DPP10: variants seen among roughly 807,000 people sequenced by gnomAD.
The protein encoded by DPP10 is dipeptidyl peptidase like 10, also known as inactive dipeptidyl peptidase 10.
A neutral mutation model predicts 120.9 loss-of-function variants in DPP10; 33 were observed. The ratio of observed to expected loss-of-function variants is 0.27; its 90% CI spans 0.21 to 0.37. DPP10 has a LOEUF of 0.37. DPP10 is among the 10% of genes least tolerant of loss of function. The probability of loss-of-function intolerance (pLI) is 1.00; values close to 1 mark genes in which losing one functional copy is unlikely to be tolerated. For missense variants in DPP10, 816 were observed against 942.8 expected (o/e 0.87, Z 1.76); for synonymous variants, 337 against 326.1 (o/e 1.03, Z -0.36).
At chr2:115,427,703 A>G (rs2070609747) in intron 3 of DPP10, among the ~76,000 whole-genome samples, 2 of 152,058 alleles carry the variant, frequency 1.3e-5, no homozygotes, top group East Asian at 1.9e-4. Context: ...CCTTTTTCTC[A>G]TTGTCTTGGC....
chr2:114,967,204 C>T (rs1017640614), intron 1 of DPP10, among the ~76,000 whole-genome samples: 1 of 152,130 alleles, frequency 6.6e-6, no homozygotes, highest in Non-Finnish European at 1.5e-5. Flanking sequence ...TAAAAAAAAT[C>T]TTCCATTAGG....
rs567116917 is a variant in DPP10, at chr2:115,416,005, C to G, written c.271+72093C>G. On this transcript the variant is annotated intron_variant, in intron 3 of 25. Transcript: ENST00000410059. ...TCTTTTGTAGAACTCCAAAAATAAT[C>G]AGTACACAAATTTGAAAGCAAAACA... 2.0e-5 allele frequency among the ~76,000 whole-genome samples: 3 copies of G among 151,610 alleles called. No individual in the cohort carries two copies. The East Asian group carries it at 5.8e-4, about 29-fold the overall frequency.
chr2:115,414,848 C>T (rs1344663431), intron 3 of DPP10, among the ~76,000 whole-genome samples: 1 of 152,146 alleles, frequency 6.6e-6, no homozygotes, highest in Non-Finnish European at 1.5e-5. Context: ...ATTTGCAAGT[C>T]AAGTCTCAAG....
At chr2:114,782,698 A>G (rs557004250) in intron 1 of DPP10, among the ~76,000 whole-genome samples, 2 of 152,280 alleles carry the variant, frequency 1.3e-5, no homozygotes, top group South Asian at 4.2e-4. Flanking sequence ...AAAAGTAAGT[A>G]AGTGGATAGT....
intron 1 of DPP10, among the ~76,000 whole-genome samples, chr2:115,264,164 G>A (rs1267851190): frequency 6.6e-6 from 1 of 152,054 alleles, no homozygotes; most frequent in Non-Finnish European, 1.5e-5. Context: ...TAATTTGGTG[G>A]ACATATTCTT....
intron 1 of DPP10, among the ~76,000 whole-genome samples, chr2:115,042,135 C>T (rs1055547645): frequency 6.6e-6 from 1 of 151,464 alleles, no homozygotes; most frequent in Non-Finnish European, 1.5e-5. Context: ...CTCGGATTCC[C>T]AATCTGTAAA....
At chr2:114,588,266 T>C (rs1429576081) in intron 1 of DPP10, among the ~76,000 whole-genome samples, 1 of 152,210 alleles carries the variant, frequency 6.6e-6, no homozygotes, top group Admixed American at 6.5e-5. Flanking sequence ...TTAGTATTTG[T>C]AGAAAATTAC....
intron 1 of DPP10, chr2:115,050,306 A>G (rs1056518246): frequency 2.0e-5 from 3 of 152,180 alleles, no homozygotes; most frequent in African/African-American, 7.2e-5. Flanking sequence ...ATGAAAATGT[A>G]CTGTATTTCT....
intron 9 of DPP10, 29 bp downstream of exon 9, chr2:115,739,922 C>A: frequency 6.2e-7 from 1 of 1,608,218 alleles, no homozygotes; most frequent in South Asian, 1.1e-5. Flanking sequence ...CTATTTTGTT[C>A]CTTCTCTCTC....
At position 114,649,326 on chromosome 2, in the gene DPP10, G is replaced by T. The variant is rs188757374; in HGVS notation, c.60+206488G>T. On this transcript the variant is annotated intron_variant, in intron 1 of 25. Transcript: ENST00000410059. Reference sequence around the variant, plus strand: ...GCCACCCCAGATTCTCACTTAATTGGTATGTAATGGATCCTGAGATTTTTT... The same window carrying T: ...GCCACCCCAGATTCTCACTTAATTGTTATGTAATGGATCCTGAGATTTTTT... Among the ~76,000 whole-genome samples the T allele has an allele frequency of 3.6e-4, 54 of 151,258 alleles. No homozygotes were observed. The East Asian group carries it at 6.8e-3, about 19-fold the overall frequency.
At chr2:114,991,899 T>C (rs1700774181) in intron 1 of DPP10, among the ~76,000 whole-genome samples, 1 of 152,178 alleles carries the variant, frequency 6.6e-6, no homozygotes, top group Admixed American at 6.5e-5. Context: ...GGAAAGATAC[T>C]TAGCTGTAGC....
chr2:115,322,629 A>G (rs975738691), intron 2 of DPP10, among the ~76,000 whole-genome samples: 3 of 152,190 alleles, frequency 2.0e-5, no homozygotes, highest in African/African-American at 7.2e-5. Context: ...CTACTTTATT[A>G]TATGATTCAT....
At chr2:115,571,403 A>T (rs986577554) in intron 5 of DPP10, among the ~76,000 whole-genome samples, 1 of 152,082 alleles carries the variant, frequency 6.6e-6, no homozygotes, top group Non-Finnish European at 1.5e-5. Context: ...TATAGTAGTC[A>T]CCAGTTTCTA....
intron 3 of DPP10, among the ~76,000 whole-genome samples, chr2:115,410,713 C>T (rs1009415466): frequency 6.6e-6 from 1 of 152,162 alleles, no homozygotes; most frequent in Non-Finnish European, 1.5e-5. Context: ...ACATTGGGTG[C>T]AGTTTACACT....
intron 1 of DPP10, among the ~76,000 whole-genome samples, chr2:114,962,235 G>T (rs2104725652): frequency 6.6e-6 from 1 of 152,238 alleles, no homozygotes; most frequent in East Asian, 1.9e-4. Flanking sequence ...ATTTTATCAA[G>T]GTGAGTATTT....
At chr2:115,132,100 AT>A (rs1168205227) in intron 1 of DPP10, among the ~76,000 whole-genome samples, 2 of 152,048 alleles carry the variant, frequency 1.3e-5, no homozygotes, top group African/African-American at 2.4e-5. Flanking sequence ...AATAATAATA[AT>A]AATAATAATT....
chr2:115,839,917 ATAGT>A (rs563792149), intron 24 of DPP10, among the ~76,000 whole-genome samples: 83 of 152,054 alleles, frequency 5.5e-4, no homozygotes, highest in Non-Finnish European at 1.0e-3. Context: ...TCTATATTAA[ATAGT>A]TAGTCCTTGT....
At chr2:114,636,830 C>T (rs949253487) in intron 1 of DPP10, among the ~76,000 whole-genome samples, 1 of 151,744 alleles carries the variant, frequency 6.6e-6, no homozygotes, top group Non-Finnish European at 1.5e-5. Context: ...ACTTTTGTGT[C>T]ACAAACAGTC....
At chr2:115,120,513 G>C (rs1186696646) in intron 1 of DPP10, among the ~76,000 whole-genome samples, 1 of 152,148 alleles carries the variant, frequency 6.6e-6, no homozygotes, top group Non-Finnish European at 1.5e-5. Context: ...AATAAAGTCT[G>C]ACCCTTTCTA....
Sources: allele counts gnomAD v4.1 joint callset (sites outside exome capture counted in the v4.1 genomes callset), GRCh38; gene constraint gnomAD v4.1.1; transcripts MANE v1.5; gene names NCBI Gene and HGNC (gene_info 2026-07-23, HGNC 2026-07-21).